Variants in RBFOX3 observed in about 807,000 individuals in gnomAD.
RBFOX3 encodes the protein RNA binding protein fox-1 homolog 3.
RBFOX3 carries 17 observed loss-of-function variants against 48.7 expected under a neutral mutation model. The observed-to-expected ratio is 0.35, with a 90% confidence interval of 0.24 to 0.52. The LOEUF (loss-of-function observed/expected upper bound fraction) is 0.52. Ranked by LOEUF, RBFOX3 falls within the 20% of genes least tolerant of loss-of-function variation. The pLI is 0.94. For synonymous variants in RBFOX3, 212 were observed against 209.5 expected (o/e 1.01, Z -0.10); for missense variants, 382 against 497.5 (o/e 0.77, Z 2.21).
At chr17:79,412,146 A>G (rs2064468615) in intron 2 of RBFOX3, among the ~76,000 whole-genome samples, 1 of 151,508 alleles carries the variant, frequency 6.6e-6, no homozygotes, top group Admixed American at 6.6e-5. Context: ...CGTGTTGTGC[A>G]TGATCTGTGT....
chr17:79,170,001 G>C (rs1294228304), intron 4 of RBFOX3, among the ~76,000 whole-genome samples: 1 of 151,294 alleles, frequency 6.6e-6, no homozygotes, highest in Non-Finnish European at 1.5e-5. Context: ...AGGAAAAGTG[G>C]GAGGAAAGAA....
At position 79,311,163 on chromosome 17, in the gene RBFOX3, T is replaced by C. The variant is rs558411999; in HGVS notation, c.-174-3339A>G. 3.3e-5 allele frequency among the ~76,000 whole-genome samples: 5 copies of C among 152,338 alleles called. No homozygotes were observed. In the South Asian group the frequency reaches 1.0e-3, roughly 32 times the overall value. On this transcript the variant is annotated intron_variant, in intron 2 of 14. Transcript: ENST00000693108. The surrounding 1 kb of genome is among the most constrained non-coding windows in gnomAD (Gnocchi z 4.2). ...AGACCGCAGCACCAGCTGGGCGCAGTGGCTCACGCCTATAATCCCAGCACT... is the reference window on the plus strand; with the variant it reads ...AGACCGCAGCACCAGCTGGGCGCAGCGGCTCACGCCTATAATCCCAGCACT...
At chr17:79,221,008 T>C (rs1051323508) in intron 4 of RBFOX3, among the ~76,000 whole-genome samples, 17 of 152,214 alleles carry the variant, frequency 1.1e-4, no homozygotes, top group Non-Finnish European at 2.9e-5. Context: ...ACCCCATCCA[T>C]GAGGGACTCC....
intron 2 of RBFOX3, among the ~76,000 whole-genome samples, chr17:79,387,620 C>T (rs1406326816): frequency 2.0e-5 from 3 of 152,242 alleles, no homozygotes; most frequent in African/African-American, 7.2e-5. Context: ...GGGCCATGAG[C>T]TCTGCCTCAC....
chr17:79,211,211 G>A (rs2147124127), intron 4 of RBFOX3, among the ~76,000 whole-genome samples: 1 of 152,346 alleles, frequency 6.6e-6, no homozygotes, highest in Admixed American at 6.5e-5. Flanking sequence ...ACGGCCCGAT[G>A]CGGGCTGGTC....
chr17:79,171,329 C>A (rs2016339), intron 4 of RBFOX3, among the ~76,000 whole-genome samples: 42,181 of 152,202 alleles, frequency 0.28, 6,678 homozygotes, highest in African/African-American at 0.43. Flanking sequence ...CACCACGCTG[C>A]CATCTGCGGA....
chr17:79,158,929 C>T (rs1214452193), intron 4 of RBFOX3, among the ~76,000 whole-genome samples: 2 of 152,178 alleles, frequency 1.3e-5, no homozygotes, highest in Non-Finnish European at 2.9e-5. Flanking sequence ...AAAGGAAGGA[C>T]AGTGTGGAGT....
chr17:79,414,763 C>G (rs1039075984), intron 2 of RBFOX3, among the ~76,000 whole-genome samples: 2 of 149,952 alleles, frequency 1.3e-5, no homozygotes, highest in Non-Finnish European at 2.9e-5. Context: ...ACTGAACAGC[C>G]TCTGCACTCC....
chr17:79,582,394 G>A (rs966376641), intron 1 of RBFOX3, among the ~76,000 whole-genome samples: 7 of 152,242 alleles, frequency 4.6e-5, no homozygotes, highest in African/African-American at 9.6e-5. Context: ...ATTCAGCCTC[G>A]CTTCCACTCT....
chr17:79,405,481 T>G (rs533096818), intron 2 of RBFOX3, among the ~76,000 whole-genome samples: 1 of 152,178 alleles, frequency 6.6e-6, no homozygotes, highest in East Asian at 1.9e-4. Flanking sequence ...GGTGGCTTTA[T>G]CCTGCACTTT....
the RBFOX3 span, among the ~76,000 whole-genome samples, chr17:79,660,190 T>TA: frequency 9.9e-5 from 15 of 151,640 alleles, no homozygotes; most frequent in Admixed American, 2.0e-4. Flanking sequence ...TCATCTAAAA[T>TA]AAAAAAAATC....
chr17:79,633,830 G>A, the RBFOX3 span, among the ~76,000 whole-genome samples: 1 of 152,126 alleles, frequency 6.6e-6, no homozygotes, highest in Non-Finnish European at 1.5e-5. Context: ...CCCGTGTCCT[G>A]ATGTGCCACC....
chr17:79,654,911 G>C, the RBFOX3 span, among the ~76,000 whole-genome samples: 929 of 152,268 alleles, frequency 6.1e-3, 12 homozygotes, highest in African/African-American at 0.021. Flanking sequence ...CGAGCCTACC[G>C]TCTAAGGACT....
intron 3 of RBFOX3, among the ~76,000 whole-genome samples, 197 bp from the exon 4 acceptor site, chr17:79,236,002 C>T (rs1368265918): frequency 6.6e-6 from 1 of 152,144 alleles, no homozygotes; most frequent in Admixed American, 6.5e-5. Context: ...TGGGAGGCGG[C>T]GGTTAGATAA....
intron 2 of RBFOX3, among the ~76,000 whole-genome samples, chr17:79,446,044 G>C (rs7207350): frequency 0.57 from 87,356 of 152,036 alleles, 25,621 homozygotes; most frequent in Non-Finnish European, 0.63. Flanking sequence ...GCCTCCACAT[G>C]AGAGAATGGT....
chr17:79,556,491 C>T (rs2091770251), intron 1 of RBFOX3, among the ~76,000 whole-genome samples: 1 of 152,080 alleles, frequency 6.6e-6, no homozygotes, highest in African/African-American at 2.4e-5. Flanking sequence ...TTACAGGGAG[C>T]TGTTGGGGAG....
chr17:79,331,043 T>C (rs1464290415), intron 2 of RBFOX3, among the ~76,000 whole-genome samples: 3 of 152,134 alleles, frequency 2.0e-5, no homozygotes, highest in African/African-American at 7.2e-5. Flanking sequence ...GAAACGTATA[T>C]CTGCAGCCCC....
chr17:79,598,607 A>G (rs918621226), intron 1 of RBFOX3: 2 of 152,188 alleles, frequency 1.3e-5, no homozygotes, highest in East Asian at 3.9e-4. Context: ...AGGAGCATAA[A>G]CAGACCCTTC....
rs900148784 is a variant in RBFOX3, at chr17:79,507,442, C to T, written c.-319-24844G>A. Among the ~76,000 whole-genome samples the T allele has an allele frequency of 1.3e-3, 205 of 152,264 alleles. 4 individuals carry two copies. In the Middle Eastern group the frequency reaches 0.021, roughly 15 times the overall value. On this transcript the variant is annotated intron_variant, in intron 1 of 14. Coordinates refer to ENST00000693108, the MANE Select transcript of RBFOX3 (RefSeq NM_001350451.2). ...AATGGGGCTCCTGCTTGGCAGTCCC[C>T]GCCCCACATGTCAGGTGCCCGCGGG... is the stretch of plus-strand genomic sequence containing the variant.
Sources: allele counts gnomAD v4.1 joint callset (sites outside exome capture counted in the v4.1 genomes callset), GRCh38; gene constraint gnomAD v4.1.1; non-coding constraint Gnocchi (gnomAD v3.1); transcripts MANE v1.5; gene names NCBI Gene and HGNC (gene_info 2026-07-23, HGNC 2026-07-21).